Variants in NSFL1C observed in about 807,000 individuals in gnomAD.
The protein encoded by NSFL1C is NSFL1 cofactor.
Under a neutral mutation model 43.1 loss-of-function variants are expected in NSFL1C, and 14 were observed. The ratio of observed to expected loss-of-function variants is 0.32; its 90% CI spans 0.21 to 0.51. NSFL1C has a LOEUF of 0.51. Ranked by LOEUF, NSFL1C falls within the 20% of genes least tolerant of loss-of-function variation. NSFL1C has a pLI of 0.98. For synonymous variants in NSFL1C, 171 were observed against 183.5 expected (o/e 0.93, Z 0.55); for missense variants, 406 against 472.5 (o/e 0.86, Z 1.30).
intron 2 of NSFL1C, chr20:1,463,863 G>A (rs978195105): frequency 1.9e-5 from 3 of 155,450 alleles, no homozygotes; most frequent in African/African-American, 7.2e-5. Context: ...GTTTTACCTA[G>A]TAAGACAAGG....
At chr20:1,462,295 G>C (rs2122955136) in intron 2 of NSFL1C, among the ~76,000 whole-genome samples, 1 of 152,238 alleles carries the variant, frequency 6.6e-6, no homozygotes, top group East Asian at 1.9e-4. Flanking sequence ...TTTTTCCTGA[G>C]AATGTAGTCC....
rs1246988760 is a variant in NSFL1C at position 1,454,309 on chromosome 20, T to C, written c.445-4A>G. 1 of 1,608,688 alleles carries C rather than the reference T, an allele frequency of 6.2e-7. No homozygotes were observed. Among genetic ancestry groups the C allele is most frequent in the Non-Finnish European group, 8.5e-7 (1 of 1,176,738 alleles). On this transcript the variant is annotated splice_region_variant and splice_polypyrimidine_tract_variant and intron_variant, in intron 4 of 8. Transcript: ENST00000216879. ...GGTAGCCACCTCCTGCAAATGGCTA[T>C]AAGGGACAAGTTCATACACATTTAA...
chr20:1,446,199 G>C (rs960119023), intron 7 of NSFL1C: 4 of 342,574 alleles, frequency 1.2e-5, no homozygotes, highest in African/African-American at 8.6e-5. Context: ...AATAGAACAG[G>C]GTCAGTTTTA....
Position 1,445,828 on chromosome 20 carries a change from G to A in NSFL1C, c.788C>T (p.Thr263Ile). The A allele has an allele frequency of 6.2e-7, 1 of 1,613,986 alleles. No homozygotes were observed. The highest frequency in any genetic ancestry group is 8.5e-7 in the Non-Finnish European group (1 of 1,179,944). The change falls in exon 8 of 9, where the codon ACT becomes ATT. Residue 263 changes from threonine (T) to isoleucine (I), a missense_variant and splice_region_variant. Physicochemically the swap from Thr to Ile is moderately conservative, Grantham distance 89 (BLOSUM62 -1). Transcript: ENST00000216879. ...GCTGGTACTCAACACCTGGGGGGCA[G>A]TGCTGAGGAGAGAGGATGGCATCAG... Reference protein sequence around the residue: ...FTGEGQKLGSTAPQVLSTSSP... With the variant: ...FTGEGQKLGSIAPQVLSTSSP...
chr20:1,452,833 C>T (rs953939491), intron 6 of NSFL1C, among the ~76,000 whole-genome samples, 198 bp downstream of exon 6: 2 of 152,222 alleles, frequency 1.3e-5, no homozygotes, highest in Admixed American at 6.5e-5. Flanking sequence ...TCTTATTTGG[C>T]CACTTAGGTC....
In NSFL1C at chr20:1,452,761, T is replaced by C. The variant is rs1272284791; in HGVS notation, c.648-131A>G. On this transcript the variant is annotated intron_variant, in intron 6 of 8. Transcript: ENST00000216879. ...GGCCTCCAAAGGGAGCAGGCTACTC[T>C]GGTGGCTACCTGTCTGCCTCCACCT... is the stretch of plus-strand genomic sequence containing the variant. The C allele has an allele frequency of 9.7e-6, 11 of 1,135,668 alleles. No homozygotes were observed. In the East Asian group the frequency reaches 2.6e-4, roughly 27 times the overall value. The allele number at this position is 1,135,668 out of a possible 1,614,324, so 70.3% of individuals were successfully genotyped here.
chr20:1,459,705 A>G (rs2090372335), intron 2 of NSFL1C, among the ~76,000 whole-genome samples: 1 of 152,184 alleles, frequency 6.6e-6, no homozygotes, highest in African/African-American at 2.4e-5. Flanking sequence ...TTGGCTCCTG[A>G]GAACAGTCTG....
intron 7 of NSFL1C, among the ~76,000 whole-genome samples, chr20:1,449,006 T>A (rs757168659): frequency 4.6e-5 from 7 of 152,182 alleles, no homozygotes; most frequent in Non-Finnish European, 2.9e-5. Context: ...ACCCAACACA[T>A]ACTAAAAGTA....
At chr20:1,452,225 G>T (rs1336237466) in intron 7 of NSFL1C, among the ~76,000 whole-genome samples, 2 of 152,172 alleles carry the variant, frequency 1.3e-5, no homozygotes, top group Admixed American at 1.3e-4. Flanking sequence ...ATCCTAGGAG[G>T]TATGGACTCT....
intron 7 of NSFL1C, 130 bp from the exon 8 acceptor site, chr20:1,445,960 C>T (rs765659473): frequency 1.0e-4 from 103 of 1,003,286 alleles, no homozygotes; most frequent in Non-Finnish European, 1.2e-4. Flanking sequence ...ATCTATTGAC[C>T]CAGACAGGGA....
In NSFL1C at chr20:1,445,698, C is replaced by G. The variant is rs778070453; in HGVS notation, c.918G>C (p.Gly306=). ...TGTGGTTAAATTTCTGCACCAGCCT[C>G]CCGCCGTCTGCAAGCCGAATTTGGA... ...TNIQIRLADG[G]RLVQKFNHSH... The change falls in exon 8 of 9, where the codon GGG becomes GGC. Residue 306 remains glycine, a synonymous_variant. Coordinates refer to ENST00000216879, the MANE Select transcript of NSFL1C (RefSeq NM_016143.5). The G allele has an allele frequency of 1.2e-5, 20 of 1,613,438 alleles. No homozygotes were observed. In the South Asian group the frequency reaches 1.9e-4, roughly 15 times the overall value.
At chr20:1,455,574 G>T (rs755469245) in intron 3 of NSFL1C, 1 of 742,904 alleles carries the variant, frequency 1.3e-6, no homozygotes, top group Non-Finnish European at 2.5e-6. Context: ...GGTTAATGGT[G>T]GCACTGGCAT....
At chr20:1,445,858 C>A (rs771942451) in intron 7 of NSFL1C, 28 bp from the exon 8 acceptor site, 2 of 1,608,556 alleles carry the variant, frequency 1.2e-6, no homozygotes, top group South Asian at 2.2e-5. Flanking sequence ...CATCAGAACA[C>A]AAGCAGAAAC....
chr20:1,464,060 T>G, intron 2 of NSFL1C: 2 of 395,500 alleles, frequency 5.1e-6, no homozygotes, highest in Middle Eastern at 6.5e-4. Context: ...AGAGTTGCAG[T>G]GGTCATTCCT....
At position 1,465,611 on chromosome 20, in the gene NSFL1C, C is replaced by G. The variant is rs570476827; in HGVS notation, c.105+1109G>C. Among the ~76,000 whole-genome samples, 35 of 152,348 alleles carry G rather than the reference C, an allele frequency of 2.3e-4. No homozygotes were observed. In the South Asian group the frequency reaches 7.0e-3, roughly 31 times the overall value. On this transcript the variant is annotated intron_variant, in intron 1 of 8. Transcript: ENST00000216879. ...TTTACGTTTGGCAGCAGACTCAGTT[C>G]AAATTCCAACCCCGCTACTTACTGG...
rs780568674 is a variant in NSFL1C, at chr20:1,454,991, G to T, written c.420C>A (p.Ser140Arg). The T allele has an allele frequency of 6.2e-7, 1 of 1,613,752 alleles. No individual in the cohort carries two copies. The highest frequency in any genetic ancestry group is 2.2e-5 in the East Asian group (1 of 44,890). ...CTCTCGGTTTACTGGTCTCTCCAGG[G>T]CTCTTGGTCACTCGCTCCACAGCTA... is the stretch of plus-strand genomic sequence containing the variant. ...GAVAVERVTK[S>R]PGETSKPRPF... Residue 140 changes from serine (S) to arginine (R), a missense_variant, in exon 4 of 9, where the codon AGC becomes AGA. Ser to Arg is a moderately radical substitution (Grantham distance 110, BLOSUM62 -1). Around this residue, in one of 3 missense-constraint regions of NSFL1C, gnomAD observed 203 missense variants for 216.3 expected, o/e 0.94. Coordinates refer to ENST00000216879, the MANE Select transcript of NSFL1C (RefSeq NM_016143.5).
chr20:1,446,387 A>G (rs2090060179), intron 7 of NSFL1C, among the ~76,000 whole-genome samples: 1 of 152,158 alleles, frequency 6.6e-6, no homozygotes, highest in Non-Finnish European at 1.5e-5. Flanking sequence ...GTACTCATAC[A>G]TCCACTATTG....
intron 7 of NSFL1C, 31 bp from the exon 8 acceptor site, chr20:1,445,861 G>A: frequency 1.2e-6 from 2 of 1,608,798 alleles, no homozygotes; most frequent in Admixed American, 3.4e-5. Context: ...CAGAACACAA[G>A]CAGAAACAAG....
intron 7 of NSFL1C, among the ~76,000 whole-genome samples, chr20:1,451,694 G>T (rs928694025): frequency 7.9e-5 from 12 of 152,236 alleles, no homozygotes; most frequent in Admixed American, 6.5e-4. Flanking sequence ...GATCCTGAGA[G>T]AAGGCAGCCT....
Sources: gnomAD v4.1 joint callset for allele counts (sites outside exome capture counted in the v4.1 genomes callset) on GRCh38, gnomAD v4.1.1 for gene constraint, gnomAD v4.1.1 regional missense constraint, MANE v1.5 for transcripts, NCBI Gene and HGNC (gene_info 2026-07-23, HGNC 2026-07-21) for gene names.